The following PCDH11X variants were observed in gnomAD, a reference collection of about 807,000 sequenced individuals.
PCDH11X encodes protocadherin 11 X-linked.
Under a neutral mutation model 53.3 loss-of-function variants are expected in PCDH11X, and 18 were observed. That is an observed-to-expected ratio of 0.34 (90% confidence interval 0.23 to 0.50). The LOEUF (loss-of-function observed/expected upper bound fraction) is 0.50, where lower values mean the gene tolerates loss of function less well. PCDH11X is among the 20% of genes least tolerant of loss of function. The pLI, the probability that PCDH11X is intolerant of heterozygous loss-of-function variation, is 0.98. For missense variants in PCDH11X, 570 were observed against 1,032.4 expected (o/e 0.55, Z 6.14); for synonymous variants, 279 against 393.3 (o/e 0.71, Z 3.44).
chrX:92,361,567 G>A (rs554745217), intron 8 of PCDH11X, among the ~76,000 whole-genome samples: 2 of 111,157 alleles, frequency 1.8e-5, no homozygotes, highest in South Asian at 7.4e-4. Context: ...TGATTCATTA[G>A]ATTTTTTTTT....
intron 10 of PCDH11X, among the ~76,000 whole-genome samples, chrX:92,590,022 C>CTT (rs766992458): frequency 3.4e-4 from 35 of 103,859 alleles, no homozygotes; most frequent in African/African-American, 9.4e-4. Flanking sequence ...ATATATTTTT[C>CTT]TTTTTTTTTT....
At chrX:92,128,659 A>G (rs2064916286) in intron 6 of PCDH11X, among the ~76,000 whole-genome samples, 2 of 110,354 alleles carry the variant, frequency 1.8e-5, no homozygotes, top group African/African-American at 3.3e-5. Flanking sequence ...TCGGCCTCCC[A>G]AAGTGCTGGG....
intron 9 of PCDH11X, chrX:92,459,750 G>C (rs944513684): frequency 2.1e-5 from 24 of 1,125,658 alleles, no homozygotes; most frequent in Middle Eastern, 3.4e-4. Flanking sequence ...GCGCCCGGCC[G>C]GTCAGCAGCG....
intron 8 of PCDH11X, among the ~76,000 whole-genome samples, chrX:92,348,787 C>T (rs1207357613): frequency 2.8e-5 from 3 of 108,015 alleles, no homozygotes; most frequent in African/African-American, 6.8e-5. Context: ...TCACTCACCT[C>T]GGCCTCCCAA....
intron 9 of PCDH11X, among the ~76,000 whole-genome samples, chrX:92,447,853 C>T (rs1036244903): frequency 1.8e-5 from 2 of 112,353 alleles, no homozygotes; most frequent in African/African-American, 6.5e-5. Context: ...GTGTACCCTG[C>T]CAAGCCACAG....
chrX:92,224,169 G>C (rs1352134222), intron 7 of PCDH11X, among the ~76,000 whole-genome samples: 1 of 111,645 alleles, frequency 9.0e-6, no homozygotes, highest in Non-Finnish European at 1.9e-5. Context: ...ATCTGATTAA[G>C]GCATGTTGAG....
chrX:92,210,856 C>T (rs1198644787), intron 7 of PCDH11X, among the ~76,000 whole-genome samples: 4 of 111,747 alleles, frequency 3.6e-5, no homozygotes, highest in African/African-American at 9.8e-5. Context: ...GTAAGTTCCT[C>T]ATCTTCATCT....
chrX:92,053,989 G>A (rs757375380), intron 6 of PCDH11X, among the ~76,000 whole-genome samples: 2 of 111,593 alleles, frequency 1.8e-5, no homozygotes, highest in South Asian at 7.5e-4. Flanking sequence ...GGAAATGAAG[G>A]CTAAGAAATA....
chrX:92,262,739 A>G (rs1422483412), intron 7 of PCDH11X, among the ~76,000 whole-genome samples: 2 of 111,657 alleles, frequency 1.8e-5, no homozygotes, highest in Non-Finnish European at 3.8e-5. Flanking sequence ...ATAAAGGCCC[A>G]TTCATTTAAA....
chrX:91,926,113 C>CAT (rs1252518401), intron 6 of PCDH11X, among the ~76,000 whole-genome samples: 27 of 88,498 alleles, frequency 3.1e-4, no homozygotes, highest in Middle Eastern at 5.7e-3. Context: ...CACACACACA[C>CAT]ATATATATAT....
intron 6 of PCDH11X, among the ~76,000 whole-genome samples, chrX:91,998,097 C>T (rs1251835751): frequency 9.0e-6 from 1 of 110,669 alleles, no homozygotes; most frequent in Non-Finnish European, 1.9e-5. Flanking sequence ...CCATGCCCTG[C>T]TAATTTGTGT....
chrX:92,017,853 A>G (rs2062821972), intron 6 of PCDH11X, among the ~76,000 whole-genome samples: 2 of 106,465 alleles, frequency 1.9e-5, no homozygotes, highest in Admixed American at 2.0e-4. Context: ...TAGGGTTGCT[A>G]TAAACCTTCA....
intron 8 of PCDH11X, among the ~76,000 whole-genome samples, chrX:92,357,130 TAA>T (rs58862953): frequency 0.25 from 21,559 of 86,746 alleles, 1,885 homozygotes; most frequent in Middle Eastern, 0.34. Flanking sequence ...TTTTTTTTTT[TAA>T]AAAAAAGCCT....
chrX:91,848,366 C>T (rs189262848), intron 5 of PCDH11X, among the ~76,000 whole-genome samples: 1 of 110,481 alleles, frequency 9.1e-6, no homozygotes, highest in East Asian at 2.9e-4. Flanking sequence ...ATGACTGTAT[C>T]TCCATGGACA....
chrX:92,335,493 T>G (rs1033526995), intron 8 of PCDH11X, among the ~76,000 whole-genome samples: 2 of 109,022 alleles, frequency 1.8e-5, no homozygotes, highest in African/African-American at 6.7e-5. Context: ...GAAATCTATT[T>G]ATCTCGAATG....
rs2070506560 is a variant in PCDH11X at position 92,367,590 on chromosome X, T to A, written c.3145-20145T>A. On this transcript the variant is annotated intron_variant, in intron 8 of 10. Coordinates refer to ENST00000682573, the MANE Select transcript of PCDH11X (RefSeq NM_032968.5). ...TAGTTGATGCAGTTTCTCCATAGTG[T>A]CATTGGTCTTTCTGTTTTGGTGTGT... Among the ~76,000 whole-genome samples the A allele has an allele frequency of 1.8e-5, 2 of 111,723 alleles. 1 individual carries two copies. The highest frequency in any genetic ancestry group is 3.8e-5 in the Non-Finnish European group (2 of 53,186).
At chrX:92,180,488 A>G (rs184749349) in intron 6 of PCDH11X, among the ~76,000 whole-genome samples, 30 of 110,557 alleles carry the variant, frequency 2.7e-4, no homozygotes, top group Admixed American at 1.6e-3. Context: ...TATCTTCCCT[A>G]TCTAGTCTCT....
At position 92,147,214 on chromosome X, in the gene PCDH11X, A is replaced by G. The variant is rs953305158; in HGVS notation, c.3034-54161A>G. Among the ~76,000 whole-genome samples, 3 of 108,275 alleles carry G rather than the reference A, an allele frequency of 2.8e-5. 1 individual carries two copies. The highest frequency in any genetic ancestry group is 1.0e-4 in the African/African-American group (3 of 28,721). 94.0% of individuals were successfully genotyped at this position (108,275 alleles called of 115,157 possible). A position where few individuals can be genotyped will look rare whatever the true frequency, so the allele number is the denominator to read the frequency against. ...TTAGCAGAAACAAAATCAAGAATGGAACTATCTAACTATGTAAAATGTAAT... is the reference window on the plus strand; with the variant it reads ...TTAGCAGAAACAAAATCAAGAATGGGACTATCTAACTATGTAAAATGTAAT... On this transcript the variant is annotated intron_variant, in intron 6 of 10. Coordinates refer to ENST00000682573, the MANE Select transcript of PCDH11X (RefSeq NM_032968.5).
At chrX:92,571,209 A>G (rs1223480566) in intron 10 of PCDH11X, among the ~76,000 whole-genome samples, 1 of 110,952 alleles carries the variant, frequency 9.0e-6, no homozygotes, top group African/African-American at 3.3e-5. Flanking sequence ...TTTTCTGGGA[A>G]GAGCTTGATC....
Sources: gnomAD v4.1 joint callset for allele counts (sites outside exome capture counted in the v4.1 genomes callset) on GRCh38, gnomAD v4.1.1 for gene constraint, MANE v1.5 for transcripts, NCBI Gene and HGNC (gene_info 2026-07-23, HGNC 2026-07-21) for gene names.